NBAS: variants seen among roughly 807,000 people sequenced by gnomAD.
The protein encoded by NBAS is NBAS subunit of NRZ tethering complex, also known as NAG/BC035112 fusion.
NBAS carries 219 observed loss-of-function variants against 302.5 expected under a neutral mutation model. That is an observed-to-expected ratio of 0.72 (90% CI 0.65 to 0.81). The LOEUF is 0.81. Among genes scored for constraint, NBAS ranks in the 30% least tolerant of loss-of-function variants. The pLI is 0.00. For missense variants in NBAS, 2,932 were observed against 2,841.6 expected, an observed-to-expected ratio of 1.03 and a Z score of -0.72; for synonymous variants, 1,118 against 1,021.6, an observed-to-expected ratio of 1.09 and a Z score of -1.80.
chr2:15,486,815 A>G (rs1156871530), intron 12 of NBAS, among the ~76,000 whole-genome samples: 2 of 152,144 alleles, frequency 1.3e-5, no homozygotes, highest in Middle Eastern at 3.4e-3. Context: ...GCATTATTAT[A>G]GCATTGACTG....
the NBAS span, among the ~76,000 whole-genome samples, chr2:14,904,587 ATAGGCTGTGTCACAG>A: frequency 1.0e-5 from 1 of 95,762 alleles, no homozygotes; most frequent in African/African-American, 3.4e-5. Context: ...ACTCAGTATG[ATAGGCTGTGTCACAG>A]TCAGCTGTGA....
At chr2:15,532,286 G>A (rs375207652) in intron 9 of NBAS, among the ~76,000 whole-genome samples, 1 of 151,752 alleles carries the variant, frequency 6.6e-6, no homozygotes, top group African/African-American at 2.4e-5. Context: ...TCAGGAGATC[G>A]AAACCATCCT....
chr2:15,103,297 C>T, the NBAS span, among the ~76,000 whole-genome samples: 1 of 152,098 alleles, frequency 6.6e-6, no homozygotes, highest in African/African-American at 2.4e-5. Flanking sequence ...TGATATCTCA[C>T]CTAAAAGTGA....
At chr2:15,541,474 T>G (rs961362130) in intron 6 of NBAS, among the ~76,000 whole-genome samples, 4 of 152,174 alleles carry the variant, frequency 2.6e-5, no homozygotes, top group Non-Finnish European at 4.4e-5. Flanking sequence ...AGACTTCCCT[T>G]AACTTTGTAA....
At chr2:15,297,345 TA>T (rs2148125646) in intron 40 of NBAS, among the ~76,000 whole-genome samples, 1 of 152,332 alleles carries the variant, frequency 6.6e-6, no homozygotes, top group Admixed American at 6.5e-5. Context: ...CCACTACATG[TA>T]AGACTTGCTG....
the NBAS span, among the ~76,000 whole-genome samples, chr2:15,032,123 TTACTCTTCTCCTGGACTCCACCTTGC>T: frequency 6.6e-6 from 1 of 152,182 alleles, no homozygotes; most frequent in Non-Finnish European, 1.5e-5. Context: ...TGCTCAGTCA[TTACTCTTCTCCTGGACTCCACCTTGC>T]TATGGACTAG....
the NBAS span, among the ~76,000 whole-genome samples, chr2:15,101,008 T>C: frequency 2.0e-5 from 3 of 152,244 alleles, no homozygotes; most frequent in Non-Finnish European, 4.4e-5. Context: ...GGAAATTTAC[T>C]AGCCCTATTT....
Position 15,210,598 on chromosome 2 carries a change from T to C in NBAS, c.6432+8175A>G, listed in dbSNP as rs1666361063. 1.3e-5 allele frequency among the ~76,000 whole-genome samples: 2 copies of C among 152,182 alleles called. 1 individual carries two copies. Among genetic ancestry groups the C allele is most frequent in the African/African-American group, 4.8e-5 (2 of 41,462 alleles). ...CAAAACTAAAAATAGAGCTACCATA[T>C]GATCCAGCAATCTCTTTGTTGGGTA... On this transcript the variant is annotated intron_variant, in intron 48 of 51. Transcript: ENST00000281513.
At chr2:15,531,630 C>A (rs1040568994) in intron 9 of NBAS, among the ~76,000 whole-genome samples, 1 of 152,148 alleles carries the variant, frequency 6.6e-6, no homozygotes, top group Non-Finnish European at 1.5e-5. Flanking sequence ...CAGCACTCAC[C>A]ACGCTCTCTT....
the NBAS span, among the ~76,000 whole-genome samples, chr2:14,852,739 A>C: frequency 6.7e-6 from 1 of 149,358 alleles, no homozygotes. Flanking sequence ...GATCAATGGA[A>C]CAAAACAGAG....
chr2:15,424,566 AAG>A, intron 22 of NBAS, 98 bp from the exon 23 acceptor site: 1 of 1,365,548 alleles, frequency 7.3e-7, no homozygotes, highest in Non-Finnish European at 1.0e-6. Context: ...GGGAGAAAGT[AAG>A]AGACAGGGAG....
At chr2:14,977,257 G>C in the NBAS span, among the ~76,000 whole-genome samples, 1 of 152,114 alleles carries the variant, frequency 6.6e-6, no homozygotes, top group East Asian at 1.9e-4. Context: ...ACATATGTTG[G>C]ACTTTACAGA....
rs1263060255 is a variant in NBAS, at chr2:15,277,085, T to C, written c.5155A>G (p.Ile1719Val). ...TGAAGGTCTTGGGCTCTATTTTCAATTTCTAGTGTGGACAAACTGAAATTA... is the reference window on the plus strand; with the variant it reads ...TGAAGGTCTTGGGCTCTATTTTCAACTTCTAGTGTGGACAAACTGAAATTA... The part of the protein sequence containing the change: ...FTDSGLSTLE[I>V]ENRAQDLHLF... Residue 1719 changes from isoleucine to valine, a missense_variant, in exon 43 of 52, where the codon ATT (isoleucine) becomes GTT (valine). Transcript: ENST00000281513. The C allele has an allele frequency of 4.3e-6, 7 of 1,613,804 alleles. No homozygotes were observed. The African/African-American group carries it at 8.0e-5, about 18-fold the overall frequency.
At chr2:15,285,159 T>C (rs1255620867) in intron 42 of NBAS, among the ~76,000 whole-genome samples, 2 of 152,208 alleles carry the variant, frequency 1.3e-5, no homozygotes, top group Non-Finnish European at 2.9e-5. Context: ...GCAATATTTA[T>C]CACAGATCAC....
the NBAS span, among the ~76,000 whole-genome samples, chr2:15,099,015 C>G: frequency 2.6e-5 from 4 of 151,612 alleles, no homozygotes; most frequent in Non-Finnish European, 5.9e-5. Context: ...ATATCTATAT[C>G]AAGATTTTAG....
chr2:15,511,520 T>G (rs1662145456), intron 9 of NBAS, among the ~76,000 whole-genome samples, 170 bp from the exon 10 acceptor site: 1 of 152,152 alleles, frequency 6.6e-6, no homozygotes, highest in Non-Finnish European at 1.5e-5. Context: ...AAAACCAAAC[T>G]GTTTTTCAAT....
At chr2:14,986,758 G>A in the NBAS span, among the ~76,000 whole-genome samples, 7 of 152,006 alleles carry the variant, frequency 4.6e-5, no homozygotes, top group Non-Finnish European at 1.0e-4. Flanking sequence ...TAAGAAAGGT[G>A]GCTATTTTAA....
chr2:14,894,874 TG>T, the NBAS span, among the ~76,000 whole-genome samples: 8 of 152,022 alleles, frequency 5.3e-5, no homozygotes, highest in Non-Finnish European at 1.5e-5. Context: ...CTGGCTAACA[TG>T]GTGAAACTCC....
the NBAS span, among the ~76,000 whole-genome samples, chr2:15,123,505 G>A: frequency 6.6e-6 from 1 of 152,214 alleles, no homozygotes; most frequent in Non-Finnish European, 1.5e-5. Flanking sequence ...GGTTCTCAAT[G>A]TTGGAGGTGG....
Sources: gnomAD v4.1 joint callset for allele counts (sites outside exome capture counted in the v4.1 genomes callset) on GRCh38, gnomAD v4.1.1 for gene constraint, MANE v1.5 for transcripts, NCBI Gene and HGNC (gene_info 2026-07-23, HGNC 2026-07-21) for gene names.